Variants in BRD1 observed in about 807,000 individuals in gnomAD.
BRD1 encodes bromodomain containing 1.
Under a neutral mutation model 107.7 loss-of-function variants are expected in BRD1, and 24 were observed. The observed-to-expected ratio is 0.22, with a 90% CI of 0.16 to 0.31. BRD1 has a LOEUF of 0.31. Among genes scored for constraint, BRD1 ranks in the 10% least tolerant of loss-of-function variants. BRD1 has a pLI of 1.00. For synonymous variants in BRD1, 744 were observed against 686.1 expected, an observed-to-expected ratio of 1.08 and a Z score of -1.32; for missense variants, 1,279 against 1,638.6, an observed-to-expected ratio of 0.78 and a Z score of 3.79.
intron 8 of BRD1, among the ~76,000 whole-genome samples, chr22:49,779,076 C>T (rs1233501585): frequency 6.6e-6 from 1 of 152,010 alleles, no homozygotes. Context: ...TAGAGCATTT[C>T]TGTAGAATTT....
At chr22:49,798,409 T>C (rs1284990039) in intron 5 of BRD1, 149 bp downstream of exon 5, 1 of 1,372,552 alleles carries the variant, frequency 7.3e-7, no homozygotes, top group Admixed American at 1.9e-5. Context: ...TGTATCACTT[T>C]TATAATTTAA....
chr22:49,815,551 G>GA (rs11360760), intron 2 of BRD1, among the ~76,000 whole-genome samples: 226 of 141,354 alleles, frequency 1.6e-3, no homozygotes, highest in Middle Eastern at 3.6e-3. Flanking sequence ...TCAAAAAGAA[G>GA]AAAAAAAAAA....
At chr22:49,788,034 C>T (rs2059363213) in intron 7 of BRD1, 147 bp from the exon 8 acceptor site, 3 of 824,150 alleles carry the variant, frequency 3.6e-6, no homozygotes, top group Admixed American at 6.5e-5. Flanking sequence ...GCAGTGTGGG[C>T]CCCGTGGGCT....
At chr22:49,778,650 AAGGGG>A (rs1337880252) in intron 8 of BRD1, among the ~76,000 whole-genome samples, 1 of 152,078 alleles carries the variant, frequency 6.6e-6, no homozygotes, top group Non-Finnish European at 1.5e-5. Context: ...GTCAGAGCTA[AAGGGG>A]TGTGTGATTT....
chr22:49,823,611 A>C lies in BRD1; in HGVS notation c.707T>G (p.Met236Arg), dbSNP rs1477616581. ...CTCCTGGTGCACGGCCAGGTTGCAC[A>C]TGTCGCAGAAGAGGATCACGTTGCT... ...QNSNVILFCDMCNLAVHQECY... is the reference protein window; with the variant it reads ...QNSNVILFCDRCNLAVHQECY... Residue 236 changes from methionine to arginine, a missense_variant, in exon 2 of 13, where the codon ATG (methionine) becomes AGG (arginine). This residue lies in a region of BRD1 where 158 missense variants were observed against 310.2 expected (regional missense o/e 0.51). Coordinates refer to ENST00000404760, the MANE Select transcript of BRD1 (RefSeq NM_001304808.3). The C allele has an allele frequency of 1.2e-6, 2 of 1,609,358 alleles. No homozygotes were observed. Among genetic ancestry groups the C allele is most frequent in the Admixed American group, 3.3e-5 (2 of 59,948 alleles).
rs2059793763 is a variant in BRD1 at position 49,808,810 on chromosome 22, T to C, written c.1368-4450A>G. Reference sequence around the variant, plus strand: ...CCGACTCCAAAACAGCAAAACCATCTGAGTCAATACATCAGAAGAAAAAGT... The same window carrying C: ...CCGACTCCAAAACAGCAAAACCATCCGAGTCAATACATCAGAAGAAAAAGT... On this transcript the variant is annotated intron_variant, in intron 2 of 12. Coordinates refer to ENST00000404760, the MANE Select transcript of BRD1 (RefSeq NM_001304808.3). Among the ~76,000 whole-genome samples, 4 of 152,164 alleles carry C rather than the reference T, an allele frequency of 2.6e-5. No homozygotes were observed. The South Asian group carries it at 8.3e-4, about 32-fold the overall frequency.
At chr22:49,807,102 A>G (rs567993235) in intron 2 of BRD1, 6 of 152,304 alleles carry the variant, frequency 3.9e-5, no homozygotes, top group African/African-American at 1.4e-4. Context: ...TGTTAAGCCC[A>G]GTCTACATGC....
intron 7 of BRD1, among the ~76,000 whole-genome samples, chr22:49,791,964 A>G (rs968929004): frequency 2.0e-5 from 3 of 152,326 alleles, no homozygotes; most frequent in Admixed American, 6.5e-5. Context: ...AAATAAAAAT[A>G]AAATGATTCC....
In BRD1 at chr22:49,802,131, A is replaced by G. The variant is rs532507402; in HGVS notation, c.1524+2073T>C. 3.1e-3 allele frequency among the ~76,000 whole-genome samples: 458 copies of G among 149,810 alleles called. 2 individuals are homozygous for G. Among genetic ancestry groups the G allele is most frequent in the African/African-American group, 8.2e-3 (332 of 40,566 alleles). On this transcript the variant is annotated intron_variant, in intron 3 of 12. Transcript: ENST00000404760. ...CCTCTCTTCCATTCCCCAACATCGC[A>G]GGGGCGGAGACCAATGCCTCCACTC...
chr22:49,825,665 C>G (rs2060138686), intron 1 of BRD1: 1 of 152,306 alleles, frequency 6.6e-6, no homozygotes, highest in Non-Finnish European at 1.5e-5. Flanking sequence ...GCATCTAGCC[C>G]TGCCACGTCA....
At chr22:49,776,853 G>A (rs571395881) in intron 10 of BRD1, among the ~76,000 whole-genome samples, 181 bp downstream of exon 10, 77 of 152,370 alleles carry the variant, frequency 5.1e-4, no homozygotes, top group African/African-American at 1.4e-3. Context: ...CAGGCACCCC[G>A]GCAGGGCCAC....
intron 10 of BRD1, among the ~76,000 whole-genome samples, chr22:49,776,427 T>C (rs1454015023): frequency 6.6e-6 from 1 of 152,140 alleles, no homozygotes; most frequent in Non-Finnish European, 1.5e-5. Flanking sequence ...CAACTCCAGG[T>C]GCCCAGCACA....
chr22:49,791,948 G>GA lies in BRD1; in HGVS notation c.2359+2085dup, dbSNP rs36041940. ...TTGTGTTTTCCTTACAATGGCCCCA[G>GA]AAAAAAAATAAAAATAAAATGATTC... On this transcript the variant is annotated intron_variant, in intron 7 of 12. Transcript: ENST00000404760. Among the ~76,000 whole-genome samples, 2 of 151,574 alleles carry GA rather than the reference G, an allele frequency of 1.3e-5. 1 individual carries two copies. The highest frequency in any genetic ancestry group is 1.3e-4 in the Admixed American group (2 of 15,202).
intron 7 of BRD1, among the ~76,000 whole-genome samples, chr22:49,788,115 T>C (rs1198038074): frequency 6.6e-6 from 1 of 152,208 alleles, no homozygotes; most frequent in Non-Finnish European, 1.5e-5. Flanking sequence ...GGCACACAGT[T>C]ACTCTCTGAA....
chr22:49,777,738 C>A lies in BRD1; in HGVS notation c.2933G>T (p.Arg978Leu), dbSNP rs375422499. ...GGGLGRKATP[R>L]RRCASESSIS... ...GCTGGACTCGGAGGCACAGCGTCGTCGGGGTGTGGCCTTCCTCCCCAGGCC... is the reference window on the plus strand; with the variant it reads ...GCTGGACTCGGAGGCACAGCGTCGTAGGGGTGTGGCCTTCCTCCCCAGGCC... The change falls in exon 9 of 13, where the codon CGA becomes CTA. Residue 978 changes from arginine (R) to leucine (L), a missense_variant. Around this residue, in one of 7 missense-constraint regions of BRD1, gnomAD observed 263 missense variants for 251.6 expected, o/e 1.05. Transcript: ENST00000404760. The A allele has an allele frequency of 1.2e-6, 2 of 1,606,930 alleles. No individual in the cohort carries two copies. The highest frequency in any genetic ancestry group is 1.7e-6 in the Non-Finnish European group (2 of 1,178,046).
At chr22:49,775,498 A>C in intron 12 of BRD1, 93 bp downstream of exon 12, 3 of 1,200,958 alleles carry the variant, frequency 2.5e-6, no homozygotes, top group Non-Finnish European at 3.2e-6. Context: ...CAGCAGACAA[A>C]GACGCTGCTC....
At position 49,824,606 on chromosome 22, in the gene BRD1, C is replaced by A. The variant is rs2060126434; in HGVS notation, c.-14-275G>T. 5 of 1,265,236 alleles carry A rather than the reference C, an allele frequency of 4.0e-6. No individual in the cohort carries two copies. Among genetic ancestry groups the A allele is most frequent in the Non-Finnish European group, 5.0e-6 (5 of 996,264 alleles). The allele number at this position is 1,265,236 out of a possible 1,614,324, so 78.4% of individuals were successfully genotyped here. On this transcript the variant is annotated intron_variant, in intron 1 of 12. Coordinates refer to ENST00000404760, the MANE Select transcript of BRD1 (RefSeq NM_001304808.3). This position sits in a 1 kb window ranked among gnomAD's most constrained non-coding sequence, Gnocchi z 5.9. ...CTACCACCACACACCAGTCCCCTCT[C>A]AGACCACACCAACAGGCTGCGGAGA...
intron 5 of BRD1, 131 bp downstream of exon 5, chr22:49,798,427 T>C (rs1239719502): frequency 2.1e-6 from 3 of 1,442,702 alleles, no homozygotes; most frequent in South Asian, 1.2e-5. Context: ...TAAAAACAAA[T>C]ACGTTAAATA....
intron 11 of BRD1, 117 bp downstream of exon 11, chr22:49,775,933 C>T (rs1232053554): frequency 2.5e-6 from 3 of 1,224,388 alleles, no homozygotes; most frequent in Non-Finnish European, 3.4e-6. Flanking sequence ...CAACCCCGCC[C>T]CCCCGCCAGC....
Sources: gnomAD v4.1 joint callset for allele counts (sites outside exome capture counted in the v4.1 genomes callset) on GRCh38, gnomAD v4.1.1 for gene constraint, gnomAD v4.1.1 regional missense constraint, Gnocchi (gnomAD v3.1) non-coding constraint, MANE v1.5 for transcripts, NCBI Gene and HGNC (gene_info 2026-07-23, HGNC 2026-07-21) for gene names.